Variants in DNAJC15 observed in about 807,000 individuals in gnomAD.
DNAJC15 encodes DnaJ heat shock protein family (Hsp40) member C15, also known as dnaJ homolog subfamily C member 15.
In DNAJC15, 27 loss-of-function variants were observed where a neutral mutation model predicts 22.4. That is an observed-to-expected ratio of 1.20 (90% CI 0.89 to 1.66). DNAJC15 has a LOEUF of 1.66. Among genes scored for constraint, DNAJC15 ranks in the 40% most tolerant of loss-of-function variants. The pLI, the probability that DNAJC15 is intolerant of heterozygous loss-of-function variation, is 0.00. For missense variants in DNAJC15, 208 were observed against 187.1 expected (o/e 1.11, Z -0.65); for synonymous variants, 79 against 63.2 (o/e 1.25, Z -1.19).
At chr13:43,068,642 C>A (rs2040594266) in intron 2 of DNAJC15, among the ~76,000 whole-genome samples, 1 of 151,456 alleles carries the variant, frequency 6.6e-6, no homozygotes, top group Non-Finnish European at 1.5e-5. Context: ...TGACCTATAC[C>A]ATAATATAAA....
chr13:43,093,321 C>T (rs928383679), intron 5 of DNAJC15, among the ~76,000 whole-genome samples: 3 of 152,058 alleles, frequency 2.0e-5, no homozygotes, highest in African/African-American at 7.2e-5. Flanking sequence ...TTTTTTGTCT[C>T]AGACCGAAAA....
intron 3 of DNAJC15, among the ~76,000 whole-genome samples, chr13:43,075,967 C>T (rs562228341): frequency 2.0e-5 from 3 of 152,282 alleles, no homozygotes; most frequent in Admixed American, 2.0e-4. Flanking sequence ...GGCCCCCTTA[C>T]TTCTTTCCAT....
chr13:43,034,141 TTG>T (rs2040416654), intron 1 of DNAJC15, among the ~76,000 whole-genome samples: 1 of 151,980 alleles, frequency 6.6e-6, no homozygotes, highest in Non-Finnish European at 1.5e-5. Context: ...GCGGCAGTAT[TTG>T]TGAGTTTTCT....
intron 1 of DNAJC15, among the ~76,000 whole-genome samples, chr13:43,049,452 G>A (rs1030143526): frequency 1.7e-4 from 26 of 152,282 alleles, no homozygotes; most frequent in African/African-American, 6.3e-4. Context: ...TTTAGTAAAC[G>A]AGAAATAGCA....
chr13:43,099,505 G>GT (rs910350600), intron 5 of DNAJC15, among the ~76,000 whole-genome samples: 1 of 152,130 alleles, frequency 6.6e-6, no homozygotes, highest in African/African-American at 2.4e-5. Flanking sequence ...CAATCTGTGG[G>GT]TTTTTTGTAG....
intron 1 of DNAJC15, among the ~76,000 whole-genome samples, chr13:43,030,574 G>C (rs901036754): frequency 1.3e-5 from 2 of 152,134 alleles, no homozygotes; most frequent in Non-Finnish European, 2.9e-5. Context: ...TCATATTTTT[G>C]TTCATTTATT....
At chr13:43,068,792 A>G (rs906209505) in intron 2 of DNAJC15, 138 bp from the exon 3 acceptor site, 56 of 665,696 alleles carry the variant, frequency 8.4e-5, no homozygotes, top group Non-Finnish European at 1.1e-4. Context: ...AAAATTGACC[A>G]TCTTTCTGGT....
chr13:43,051,882 GGTTGTACTA>G (rs1284369678), intron 1 of DNAJC15, among the ~76,000 whole-genome samples: 1 of 152,064 alleles, frequency 6.6e-6, no homozygotes, highest in Admixed American at 6.6e-5. Context: ...TTTTCATAGG[GGTTGTACTA>G]GTTTACCTTC....
At chr13:43,103,206 T>C (rs1339001557) in intron 5 of DNAJC15, among the ~76,000 whole-genome samples, 1 of 152,202 alleles carries the variant, frequency 6.6e-6, no homozygotes, top group Admixed American at 6.5e-5. Context: ...TCTATATGTG[T>C]TTAATTCTAC....
chr13:43,109,510 C>A lies in DNAJC15; in HGVS notation c.*2262C>A, dbSNP rs1381840614. ...TGATGTCATATTTTCCTAATCCATA[C>A]TTTATTCATGAGAATTTGAGTCACC... is the stretch of plus-strand genomic sequence containing the variant. On this transcript the variant is annotated 3_prime_UTR_variant, in exon 6 of 6. Transcript: ENST00000379221. 1 of 152,206 alleles carries A rather than the reference C, an allele frequency of 6.6e-6. No individual in the cohort carries two copies. The highest frequency in any genetic ancestry group is 1.5e-5 in the Non-Finnish European group (1 of 68,038). 9.4% of individuals were successfully genotyped at this position (152,206 alleles called of 1,614,324 possible).
chr13:43,048,351 G>T (rs577380759), intron 1 of DNAJC15, among the ~76,000 whole-genome samples: 41 of 147,928 alleles, frequency 2.8e-4, no homozygotes, highest in Middle Eastern at 6.9e-3. Context: ...AATTACCCGG[G>T]TATGGTGGCT....
Position 43,032,076 on chromosome 13 carries a change from C to T in DNAJC15, c.108+8342C>T, listed in dbSNP as rs548711572. On this transcript the variant is annotated intron_variant, in intron 1 of 5. Coordinates refer to ENST00000379221, the MANE Select transcript of DNAJC15 (RefSeq NM_013238.3). ...AACCACTCTACATTAATTGGAACCA[C>T]GGATGTCTGTTCAGGGGGAGCTGGA... is the stretch of plus-strand genomic sequence containing the variant. 4.6e-5 allele frequency among the ~76,000 whole-genome samples: 7 copies of T among 152,310 alleles called. No individual in the cohort carries two copies. In the South Asian group the frequency reaches 1.0e-3, roughly 23 times the overall value.
At chr13:43,079,384 GTAAATTTTTTAAAATT>G in intron 4 of DNAJC15, among the ~76,000 whole-genome samples, 1 of 152,132 alleles carries the variant, frequency 6.6e-6, no homozygotes, top group South Asian at 2.1e-4. Flanking sequence ...TTGATATCTT[GTAAATTTTTTAAAATT>G]TAAAGATTTT....
chr13:43,027,418 G>C (rs1345231032), intron 1 of DNAJC15, among the ~76,000 whole-genome samples: 1 of 151,818 alleles, frequency 6.6e-6, no homozygotes, highest in African/African-American at 2.4e-5. Context: ...CACAACTCTT[G>C]TTATTATTAG....
intron 1 of DNAJC15, among the ~76,000 whole-genome samples, chr13:43,024,395 G>C (rs2153439164): frequency 7.1e-6 from 1 of 141,310 alleles, no homozygotes; most frequent in Non-Finnish European, 1.5e-5. Context: ...CCAGGCTGGA[G>C]TGCAGTGGCG....
chr13:43,076,756 T>C (rs1404170158), intron 3 of DNAJC15, among the ~76,000 whole-genome samples: 2 of 152,246 alleles, frequency 1.3e-5, no homozygotes, highest in Non-Finnish European at 2.9e-5. Flanking sequence ...TTCCTTTCTT[T>C]CCATTCTGTC....
intron 1 of DNAJC15, among the ~76,000 whole-genome samples, chr13:43,053,896 G>T (rs532540089): frequency 1.3e-5 from 2 of 152,266 alleles, no homozygotes; most frequent in East Asian, 3.9e-4. Flanking sequence ...CGATTTGGAT[G>T]CCCTTTATTT....
At chr13:43,032,534 A>C (rs1235320034) in intron 1 of DNAJC15, among the ~76,000 whole-genome samples, 1 of 152,202 alleles carries the variant, frequency 6.6e-6, no homozygotes, top group Non-Finnish European at 1.5e-5. Flanking sequence ...AGATAAAATA[A>C]GTACTGTTGC....
intron 3 of DNAJC15, 126 bp downstream of exon 3, chr13:43,069,129 C>G (rs1052181867): frequency 2.4e-6 from 2 of 845,760 alleles, no homozygotes; most frequent in Admixed American, 3.1e-5. Context: ...TTCACTATAT[C>G]ATTGGTGAGT....
Sources: allele counts gnomAD v4.1 joint callset (sites outside exome capture counted in the v4.1 genomes callset), GRCh38; gene constraint gnomAD v4.1.1; transcripts MANE v1.5; gene names NCBI Gene and HGNC (gene_info 2026-07-23, HGNC 2026-07-21).